The following ZMAT3 variants were observed in gnomAD, a reference collection of about 807,000 sequenced individuals.
ZMAT3 encodes zinc finger matrin-type protein 3.
A neutral mutation model predicts 32.3 loss-of-function variants in ZMAT3; 17 were observed. The ratio of observed to expected loss-of-function variants is 0.53; its 90% confidence interval spans 0.36 to 0.79. The LOEUF is 0.79. Among genes scored for constraint, ZMAT3 ranks in the 30% least tolerant of loss-of-function variants. ZMAT3 has a pLI of 0.00. For missense variants in ZMAT3, 329 were observed against 359.7 expected (o/e 0.91, Z 0.69); for synonymous variants, 120 against 133.1 (o/e 0.90, Z 0.68).
Position 179,055,481 on chromosome 3 carries a change from C to G in ZMAT3, c.270+12002G>C, listed in dbSNP as rs201305876. On this transcript the variant is annotated intron_variant, in intron 2 of 5. Coordinates refer to ENST00000311417, the MANE Select transcript of ZMAT3 (RefSeq NM_022470.4). ...CCACCTCCCTACCCCAGCGTCCCCT[C>G]CCCGACTCCTTCCTCAACTAATAAG... Among the ~76,000 whole-genome samples, 12 of 150,500 alleles carry G rather than the reference C, an allele frequency of 8.0e-5. No individual in the cohort carries two copies. In the East Asian group the frequency reaches 1.2e-3, roughly 15 times the overall value.
chr3:179,027,920 G>T, intron 3 of ZMAT3, 108 bp from the exon 4 acceptor site: 1 of 1,108,120 alleles, frequency 9.0e-7, no homozygotes, highest in South Asian at 1.8e-5. Flanking sequence ...GATATGGCAT[G>T]ACCACAAGCA....
chr3:179,037,632 A>G (rs551559477), intron 2 of ZMAT3, among the ~76,000 whole-genome samples: 3 of 151,920 alleles, frequency 2.0e-5, no homozygotes, highest in Non-Finnish European at 4.4e-5. Context: ...TTACACTGCA[A>G]CCCTCCCTCC....
intron 2 of ZMAT3, among the ~76,000 whole-genome samples, chr3:179,037,649 C>T (rs1016587796): frequency 2.6e-5 from 4 of 152,194 alleles, no homozygotes; most frequent in African/African-American, 9.6e-5. Flanking sequence ...CTCCTGCTCA[C>T]TGAGCAACGG....
chr3:179,062,212 G>A (rs1481649343), intron 2 of ZMAT3, among the ~76,000 whole-genome samples: 11 of 152,060 alleles, frequency 7.2e-5, no homozygotes, highest in Non-Finnish European at 1.5e-4. Flanking sequence ...CCATTTCAGC[G>A]GCCTATAGGA....
At chr3:179,034,730 C>T (rs1416412782) in intron 2 of ZMAT3, among the ~76,000 whole-genome samples, 1 of 152,172 alleles carries the variant, frequency 6.6e-6, no homozygotes, top group Non-Finnish European at 1.5e-5. Context: ...TCACCACCAC[C>T]ACTAGTCATC....
chr3:179,072,418 AC>A (rs1379567159), upstream of ZMAT3: 2 of 152,106 alleles, frequency 1.3e-5, no homozygotes, highest in African/African-American at 4.8e-5. Context: ...CCAGAGGCTC[AC>A]CTGCAAGACA....
At chr3:179,065,775 G>A (rs921848503) in intron 2 of ZMAT3, among the ~76,000 whole-genome samples, 1 of 152,034 alleles carries the variant, frequency 6.6e-6, no homozygotes, top group African/African-American at 2.4e-5. Context: ...GTGTGCTGGT[G>A]TGTGCCTGTA....
At chr3:179,054,968 C>T (rs987494461) in intron 2 of ZMAT3, among the ~76,000 whole-genome samples, 7 of 152,126 alleles carry the variant, frequency 4.6e-5, no homozygotes, top group Non-Finnish European at 8.8e-5. Context: ...TAATACTCAC[C>T]ACATGGCCCA....
intron 2 of ZMAT3, among the ~76,000 whole-genome samples, chr3:179,042,343 G>A (rs890952506): frequency 5.9e-5 from 9 of 152,108 alleles, no homozygotes; most frequent in African/African-American, 1.2e-4. Context: ...CTGGCAAACC[G>A]AATCCAGCAG....
In ZMAT3 at chr3:179,022,332, A is replaced by G. The variant is rs569162087; in HGVS notation, c.*2685T>C. On this transcript the variant is annotated 3_prime_UTR_variant, in exon 6 of 6. Transcript: ENST00000311417. ...ATGGAAAACAAAGTGGATGAATGAC[A>G]TTTTTACAAAATATAAATTCATGTT... The G allele has an allele frequency of 6.6e-6, 1 of 152,272 alleles. No homozygotes were observed. The highest frequency in any genetic ancestry group is 2.1e-4 in the South Asian group (1 of 4,822). The allele number at this position is 152,272 out of a possible 1,614,324, so 9.4% of individuals were successfully genotyped here.
At chr3:179,025,653 C>T (rs1406185673) in intron 5 of ZMAT3, among the ~76,000 whole-genome samples, 1 of 152,070 alleles carries the variant, frequency 6.6e-6, no homozygotes, top group Non-Finnish European at 1.5e-5. Context: ...TTTATCTCAG[C>T]AGTGATTATA....
intron 2 of ZMAT3, among the ~76,000 whole-genome samples, chr3:179,062,411 G>T (rs1721194529): frequency 6.6e-6 from 1 of 152,188 alleles, no homozygotes; most frequent in Admixed American, 6.5e-5. Context: ...CATAGTTTTT[G>T]ATTGAGGTGA....
chr3:179,045,889 G>C (rs1720209412), intron 2 of ZMAT3, among the ~76,000 whole-genome samples: 1 of 152,218 alleles, frequency 6.6e-6, no homozygotes, highest in Admixed American at 6.5e-5. Context: ...ATAAAGTCAG[G>C]AGAGAGAAGT....
intron 2 of ZMAT3, among the ~76,000 whole-genome samples, chr3:179,052,224 A>G (rs1720604535): frequency 6.6e-6 from 1 of 151,840 alleles, no homozygotes; most frequent in Non-Finnish European, 1.5e-5. Context: ...ATAGAGTAGG[A>G]GAAAATTTTT....
In ZMAT3 at chr3:179,068,293, G is replaced by A. The variant is rs1721525442; in HGVS notation, c.-57-484C>T. Among the ~76,000 whole-genome samples, 4 of 152,104 alleles carry A rather than the reference G, an allele frequency of 2.6e-5. No homozygotes were observed. The South Asian group carries it at 8.3e-4, about 32-fold the overall frequency. ...AGGCCAAGGTGGGCAGATCACCTGA[G>A]GTCAGGAGTTCGAGACCAGCCTGTT... On this transcript the variant is annotated intron_variant, in intron 1 of 5. Transcript: ENST00000311417.
chr3:179,042,676 C>A (rs560330900), intron 2 of ZMAT3, among the ~76,000 whole-genome samples: 29 of 152,312 alleles, frequency 1.9e-4, no homozygotes, highest in African/African-American at 7.0e-4. Flanking sequence ...GACAAGGATG[C>A]CCTCTCTCAC....
chr3:179,061,217 C>A (rs1285445588), intron 2 of ZMAT3, among the ~76,000 whole-genome samples: 1 of 152,096 alleles, frequency 6.6e-6, no homozygotes, highest in Non-Finnish European at 1.5e-5. Context: ...AGCTGTGCAG[C>A]AAACCCAACA....
intron 1 of ZMAT3, among the ~76,000 whole-genome samples, chr3:179,071,116 T>C (rs545724453): frequency 6.6e-6 from 1 of 152,136 alleles, no homozygotes; most frequent in Non-Finnish European, 1.5e-5. Context: ...TGAGGCAAGG[T>C]GTATCCTATA....
At chr3:179,040,249 T>A (rs983282581) in intron 2 of ZMAT3, among the ~76,000 whole-genome samples, 1 of 152,146 alleles carries the variant, frequency 6.6e-6, no homozygotes, top group Non-Finnish European at 1.5e-5. Context: ...AAGATACTCC[T>A]TGGGAAGAGC....
Sources: allele counts gnomAD v4.1 joint callset (sites outside exome capture counted in the v4.1 genomes callset), GRCh38; gene constraint gnomAD v4.1.1; transcripts MANE v1.5; gene names NCBI Gene and HGNC (gene_info 2026-07-23, HGNC 2026-07-21).